Variants in RGS6 observed in about 807,000 individuals in gnomAD.
RGS6 encodes the protein regulator of G protein signaling 6, also known as regulator of G-protein signaling 6.
In RGS6, 30 loss-of-function variants were observed where a neutral mutation model predicts 78.5. The ratio of observed to expected loss-of-function variants is 0.38; its 90% CI spans 0.29 to 0.52. RGS6 has a LOEUF of 0.52. Among genes scored for constraint, RGS6 ranks in the 20% least tolerant of loss-of-function variants. The probability of loss-of-function intolerance (pLI) is 0.85; values close to 1 mark genes in which losing one functional copy is unlikely to be tolerated. For synonymous variants in RGS6, 206 were observed against 206.0 expected (o/e 1.00, Z 0.00); for missense variants, 495 against 609.7 (o/e 0.81, Z 1.98).
chr14:72,464,033 T>C (rs2095844015), intron 6 of RGS6, among the ~76,000 whole-genome samples: 4 of 152,252 alleles, frequency 2.6e-5, no homozygotes, highest in Non-Finnish European at 4.4e-5. Context: ...GATTATGAGC[T>C]GAATAATTTT....
At chr14:72,113,075 C>G (rs2095805417) in intron 2 of RGS6, among the ~76,000 whole-genome samples, 2 of 140,854 alleles carry the variant, frequency 1.4e-5, no homozygotes, top group East Asian at 4.4e-4. Context: ...CACACACACA[C>G]ACGCATGCAC....
At position 72,470,017 on chromosome 14, in the gene RGS6, C is replaced by G. The variant is rs2096030434; in HGVS notation, c.470C>G (p.Ala157Gly). Reference sequence around the variant, plus strand: ...TTCATTTCTCATTAGGAAAACTTAGCAAGACTCCAGAGGGCCTTTGCGAGG... The same window carrying G: ...TTCATTTCTCATTAGGAAAACTTAGGAAGACTCCAGAGGGCCTTTGCGAGG... Reference protein sequence around the residue: ...ELADYEAENLARLQRAFARKW... With the variant: ...ELADYEAENLGRLQRAFARKW... The change falls in exon 8 of 18, where the codon GCA becomes GGA. Residue 157 changes from alanine (A) to glycine (G), a missense_variant. Coordinates refer to ENST00000553525, the MANE Select transcript of RGS6 (RefSeq NM_001204424.2). The G allele has an allele frequency of 6.2e-7, 1 of 1,612,650 alleles. No individual in the cohort carries two copies. Among genetic ancestry groups the G allele is most frequent in the Non-Finnish European group, 8.5e-7 (1 of 1,179,144 alleles).
intron 2 of RGS6, among the ~76,000 whole-genome samples, chr14:71,977,562 C>G (rs564490006): frequency 6.7e-6 from 1 of 150,324 alleles, no homozygotes; most frequent in Non-Finnish European, 1.5e-5. Flanking sequence ...TGTCAAAGAT[C>G]AGATAGTTGT....
chr14:71,996,487 G>C (rs899955486), intron 2 of RGS6, among the ~76,000 whole-genome samples: 1 of 152,028 alleles, frequency 6.6e-6, no homozygotes, highest in Non-Finnish European at 1.5e-5. Flanking sequence ...GGGGATTACC[G>C]GTGTTGTTTA....
At chr14:72,204,043 C>T (rs751907351) in intron 2 of RGS6, among the ~76,000 whole-genome samples, 1 of 152,146 alleles carries the variant, frequency 6.6e-6, no homozygotes, top group South Asian at 2.1e-4. Flanking sequence ...AGGCTGGTCT[C>T]AAACTCCTGA....
chr14:72,465,928 T>C, intron 7 of RGS6, 106 bp downstream of exon 7: 1 of 834,438 alleles, frequency 1.2e-6, no homozygotes, highest in Non-Finnish European at 1.9e-6. Context: ...TTTGTCCCTT[T>C]CAGACAGTGG....
intron 2 of RGS6, among the ~76,000 whole-genome samples, chr14:72,259,865 CGCGCCACT>C (rs1208602947): frequency 7.2e-6 from 1 of 138,470 alleles, no homozygotes; most frequent in African/African-American, 2.7e-5. Context: ...GAGCCGAGAT[CGCGCCACT>C]GCACTCCAGC....
At chr14:72,292,780 C>G (rs1456729803) in intron 2 of RGS6, among the ~76,000 whole-genome samples, 2 of 152,226 alleles carry the variant, frequency 1.3e-5, no homozygotes, top group African/African-American at 4.8e-5. Flanking sequence ...CTCTTGCCCT[C>G]TTGAGAGATT....
intron 1 of RGS6, among the ~76,000 whole-genome samples, chr14:71,960,356 T>C (rs1315714383): frequency 6.6e-6 from 1 of 152,230 alleles, no homozygotes; most frequent in Admixed American, 6.5e-5. Context: ...GGGGAAAATC[T>C]TTATGTGTGA....
intron 16 of RGS6, among the ~76,000 whole-genome samples, chr14:72,538,500 C>T (rs1237941411): frequency 3.9e-5 from 6 of 152,210 alleles, no homozygotes; most frequent in Admixed American, 3.9e-4. Flanking sequence ...TCCAGGGCAG[C>T]TCAATGGCCA....
chr14:72,131,056 G>T (rs968317606), intron 2 of RGS6, among the ~76,000 whole-genome samples: 2 of 152,192 alleles, frequency 1.3e-5, no homozygotes, highest in African/African-American at 4.8e-5. Context: ...TGTCTCCATC[G>T]TTGCCTTGCC....
At position 72,564,864 on chromosome 14, in the gene RGS6, G is replaced by C. The variant is rs979521431; in HGVS notation, c.*2397G>C. The C allele has an allele frequency of 6.6e-6, 1 of 152,282 alleles. No homozygotes were observed. Among genetic ancestry groups the C allele is most frequent in the African/African-American group, 2.4e-5 (1 of 41,428 alleles). 9.4% of individuals were successfully genotyped at this position (152,282 alleles called of 1,614,324 possible). On this transcript the variant is annotated 3_prime_UTR_variant, in exon 18 of 18. Transcript: ENST00000553525. ...TCAGTAAGCACAACGGAGCTAGGGAGACTTCAGATGGACTCAAACCCAGAG... is the reference window on the plus strand; with the variant it reads ...TCAGTAAGCACAACGGAGCTAGGGACACTTCAGATGGACTCAAACCCAGAG...
chr14:72,371,858 G>A (rs910253491), intron 3 of RGS6, among the ~76,000 whole-genome samples: 4 of 152,206 alleles, frequency 2.6e-5, no homozygotes, highest in Non-Finnish European at 5.9e-5. Flanking sequence ...CGGGATCACT[G>A]ACTCTTTTTT....
intron 15 of RGS6, 71 bp downstream of exon 15, chr14:72,518,608 C>T: frequency 2.8e-6 from 4 of 1,410,340 alleles, no homozygotes; most frequent in Non-Finnish European, 4.0e-6. Flanking sequence ...CCTATTAACA[C>T]AAGTTCAAGG....
At chr14:72,324,006 C>G (rs2072977427) in intron 2 of RGS6, among the ~76,000 whole-genome samples, 1 of 151,762 alleles carries the variant, frequency 6.6e-6, no homozygotes, top group Non-Finnish European at 1.5e-5. Context: ...GAGTATCCAT[C>G]ACTTCAAGCA....
chr14:71,990,854 T>C (rs903988304), intron 2 of RGS6: 14 of 455,936 alleles, frequency 3.1e-5, no homozygotes, highest in Non-Finnish European at 6.2e-5. Flanking sequence ...CATAGCTTAT[T>C]TCTTGCCCTG....
chr14:72,053,411 C>T (rs1441513825), intron 2 of RGS6, among the ~76,000 whole-genome samples: 1 of 152,012 alleles, frequency 6.6e-6, no homozygotes, highest in Admixed American at 6.5e-5. Flanking sequence ...AGCCACCGCA[C>T]CCAGCCAGCA....
At chr14:72,155,551 C>G (rs17179776) in intron 2 of RGS6, among the ~76,000 whole-genome samples, 4,864 of 152,264 alleles carry the variant, frequency 0.032, 100 homozygotes, top group Middle Eastern at 0.054. Flanking sequence ...TGTCATGAAA[C>G]CCACATTAAT....
chr14:72,561,857 C>A (rs900599000), intron 17 of RGS6, among the ~76,000 whole-genome samples: 4 of 152,114 alleles, frequency 2.6e-5, no homozygotes, highest in African/African-American at 9.7e-5. Context: ...CAGCAAATGC[C>A]CCCCACTTTC....
Sources: allele counts gnomAD v4.1 joint callset (sites outside exome capture counted in the v4.1 genomes callset), GRCh38; gene constraint gnomAD v4.1.1; transcripts MANE v1.5; gene names NCBI Gene and HGNC (gene_info 2026-07-23, HGNC 2026-07-21).